TRIM44: variants seen among roughly 807,000 people sequenced by gnomAD.
TRIM44 encodes tripartite motif containing 44, also known as tripartite motif-containing protein 44.
TRIM44 carries 13 observed loss-of-function variants against 37.4 expected under a neutral mutation model. That is an observed-to-expected ratio of 0.35 (90% CI 0.23 to 0.55). The LOEUF (loss-of-function observed/expected upper bound fraction) is 0.55. Among genes scored for constraint, TRIM44 ranks in the 20% least tolerant of loss-of-function variants. The pLI is 0.89. For synonymous variants in TRIM44, 175 were observed against 157.2 expected (o/e 1.11, Z -0.85); for missense variants, 426 against 437.2 (o/e 0.97, Z 0.23).
intron 4 of TRIM44, among the ~76,000 whole-genome samples, chr11:35,802,429 A>G (rs1417239582): frequency 6.6e-6 from 1 of 152,194 alleles, no homozygotes; most frequent in Non-Finnish European, 1.5e-5. Flanking sequence ...GTGTGGGAGT[A>G]TGGTGATCTG....
chr11:35,753,320 C>G (rs60608746), intron 4 of TRIM44, among the ~76,000 whole-genome samples: 4,885 of 152,208 alleles, frequency 0.032, 413 homozygotes, highest in Admixed American at 0.19. Context: ...TGTAAGACAG[C>G]CATTGTAGGG....
chr11:35,759,367 C>T (rs575581223), intron 4 of TRIM44, among the ~76,000 whole-genome samples: 1 of 152,214 alleles, frequency 6.6e-6, no homozygotes, highest in South Asian at 2.1e-4. Context: ...CTTTAAGGAC[C>T]TCTCTGCATT....
intron 4 of TRIM44, among the ~76,000 whole-genome samples, chr11:35,797,060 T>G (rs114094503): frequency 0.013 from 1,941 of 152,224 alleles, 46 homozygotes; most frequent in African/African-American, 0.044. Context: ...ATATCTGATT[T>G]TAGGTCTGGG....
At chr11:35,693,379 C>T (rs1346916586) in intron 2 of TRIM44, among the ~76,000 whole-genome samples, 2 of 152,072 alleles carry the variant, frequency 1.3e-5, no homozygotes, top group Non-Finnish European at 2.9e-5. Context: ...CATAAATGTA[C>T]TTCATTTGGT....
At chr11:35,668,153 G>A (rs1851352126) in intron 1 of TRIM44, among the ~76,000 whole-genome samples, 1 of 152,044 alleles carries the variant, frequency 6.6e-6, no homozygotes, top group South Asian at 2.1e-4. Context: ...GCTTTCTTTT[G>A]TTTTGTTTTT....
chr11:35,682,632 T>C (rs1851532282), intron 1 of TRIM44, among the ~76,000 whole-genome samples: 1 of 151,826 alleles, frequency 6.6e-6, no homozygotes. Context: ...GAGAGTGGGG[T>C]GGGGAGGTGG....
intron 2 of TRIM44, among the ~76,000 whole-genome samples, chr11:35,725,436 C>A (rs908263370): frequency 6.6e-6 from 1 of 152,056 alleles, no homozygotes; most frequent in African/African-American, 2.4e-5. Flanking sequence ...TTGGTTCAAG[C>A]AATTCTCCTG....
intron 4 of TRIM44, among the ~76,000 whole-genome samples, chr11:35,740,921 A>G (rs541952506): frequency 3.8e-4 from 58 of 152,146 alleles, no homozygotes; most frequent in Non-Finnish European, 5.3e-4. Flanking sequence ...TTGGGTCTGT[A>G]TTCTAGGTAC....
intron 1 of TRIM44, among the ~76,000 whole-genome samples, chr11:35,668,502 A>G (rs1433433092): frequency 2.6e-5 from 4 of 152,236 alleles, no homozygotes; most frequent in Non-Finnish European, 4.4e-5. Flanking sequence ...TGCTGAGGAT[A>G]ATGGCTTCTG....
At chr11:35,669,453 C>G (rs1015149374) in intron 1 of TRIM44, among the ~76,000 whole-genome samples, 3 of 144,054 alleles carry the variant, frequency 2.1e-5, no homozygotes, top group African/African-American at 7.7e-5. Context: ...TGGAAAGGAT[C>G]CCCTTTATTT....
chr11:35,759,882 C>T (rs956733431), intron 4 of TRIM44, among the ~76,000 whole-genome samples: 1 of 152,128 alleles, frequency 6.6e-6, no homozygotes, highest in Non-Finnish European at 1.5e-5. Flanking sequence ...AGTACCCAGC[C>T]GTGTGAGGTG....
rs371348635 is a variant in TRIM44 at position 35,762,418 on chromosome 11, A to G, written c.1007+26973A>G. Among the ~76,000 whole-genome samples, 6 of 152,182 alleles carry G rather than the reference A, an allele frequency of 3.9e-5. No individual in the cohort carries two copies. In the East Asian group the frequency reaches 9.6e-4, roughly 24 times the overall value. ...CTGGAGCTCTGAGTCAAGGTGAAGAATGCTCACTCCAGAGTTCTGACTCCT... is the reference window on the plus strand; with the variant it reads ...CTGGAGCTCTGAGTCAAGGTGAAGAGTGCTCACTCCAGAGTTCTGACTCCT... On this transcript the variant is annotated intron_variant, in intron 4 of 4. Coordinates refer to ENST00000299413, the MANE Select transcript of TRIM44 (RefSeq NM_017583.6).
chr11:35,678,087 G>T (rs1851479991), intron 1 of TRIM44, among the ~76,000 whole-genome samples: 1 of 152,172 alleles, frequency 6.6e-6, no homozygotes, highest in Non-Finnish European at 1.5e-5. Context: ...TAGTGGTGGG[G>T]TAGGGGTTGA....
intron 4 of TRIM44, among the ~76,000 whole-genome samples, chr11:35,765,875 C>T (rs376769590): frequency 2.2e-4 from 33 of 152,268 alleles, no homozygotes; most frequent in East Asian, 1.2e-3. Flanking sequence ...TCTCCTGTTT[C>T]TTACTGTGTT....
At position 35,753,864 on chromosome 11, in the gene TRIM44, G is replaced by A. The variant is rs574901471; in HGVS notation, c.1007+18419G>A. Among the ~76,000 whole-genome samples the A allele has an allele frequency of 3.9e-5, 6 of 152,022 alleles. No homozygotes were observed. In the South Asian group the frequency reaches 1.2e-3, roughly 32 times the overall value. On this transcript the variant is annotated intron_variant, in intron 4 of 4. Transcript: ENST00000299413. Reference sequence around the variant, plus strand: ...CTGCCTCAGCCTCCCAAGTAACTGGGACTACAGGCATGTGCCACCATGCCT... The same window carrying A: ...CTGCCTCAGCCTCCCAAGTAACTGGAACTACAGGCATGTGCCACCATGCCT...
chr11:35,678,760 C>T (rs999796573), intron 1 of TRIM44, among the ~76,000 whole-genome samples: 5 of 151,990 alleles, frequency 3.3e-5, no homozygotes, highest in African/African-American at 4.8e-5. Context: ...AGGCCATGCC[C>T]GGCTTATTTT....
chr11:35,766,681 A>G (rs1191946167), intron 4 of TRIM44, among the ~76,000 whole-genome samples: 1 of 152,208 alleles, frequency 6.6e-6, no homozygotes, highest in Non-Finnish European at 1.5e-5. Flanking sequence ...AGGCCGGGAT[A>G]TATGAGAAAA....
chr11:35,794,811 T>C (rs1197365075), intron 4 of TRIM44, among the ~76,000 whole-genome samples: 3 of 152,256 alleles, frequency 2.0e-5, no homozygotes, highest in South Asian at 4.1e-4. Context: ...CTCAAAAACA[T>C]TTGTTGCAGT....
At chr11:35,781,602 G>C (rs1853066616) in intron 4 of TRIM44, among the ~76,000 whole-genome samples, 1 of 152,214 alleles carries the variant, frequency 6.6e-6, no homozygotes, top group Non-Finnish European at 1.5e-5. Context: ...CAAGCTGCTG[G>C]ATTATGTGAA....
Sources: allele counts gnomAD v4.1 joint callset (sites outside exome capture counted in the v4.1 genomes callset), GRCh38; gene constraint gnomAD v4.1.1; transcripts MANE v1.5; gene names NCBI Gene and HGNC (gene_info 2026-07-23, HGNC 2026-07-21).